ZNF91: variants seen among roughly 807,000 people sequenced by gnomAD.
ZNF91 encodes the protein zinc finger protein 91.
ZNF91 carries 7 observed loss-of-function variants against 12.6 expected under a neutral mutation model. That is an observed-to-expected ratio of 0.55 (90% CI 0.31 to 1.04). The LOEUF (loss-of-function observed/expected upper bound fraction) is 1.04. Among genes scored for constraint, ZNF91 ranks in the 50% least tolerant of loss-of-function variants. The pLI, the probability that ZNF91 is intolerant of heterozygous loss-of-function variation, is 0.05. For synonymous variants in ZNF91, 453 were observed against 462.6 expected, an observed-to-expected ratio of 0.98 and a Z score of 0.27; for missense variants, 1,217 against 1,385.4, an observed-to-expected ratio of 0.88 and a Z score of 1.93.
intron 3 of ZNF91, among the ~76,000 whole-genome samples, chr19:23,370,169 GCAT>G (rs566105205): frequency 6.2e-4 from 94 of 151,704 alleles, no homozygotes; most frequent in Non-Finnish European, 1.1e-3. Flanking sequence ...TCTAAAATAT[GCAT>G]CATAAGACCC....
chr19:23,355,799 T>A (rs1224090725), downstream of ZNF91, among the ~76,000 whole-genome samples: 3 of 150,860 alleles, frequency 2.0e-5, no homozygotes, highest in Non-Finnish European at 4.4e-5. Context: ...CTCAAGCAAA[T>A]CAGTAAGGAA....
intron 1 of ZNF91, among the ~76,000 whole-genome samples, chr19:23,391,802 C>G (rs966439409): frequency 6.6e-6 from 1 of 151,922 alleles, no homozygotes; most frequent in Non-Finnish European, 1.5e-5. Flanking sequence ...GGGGAGGCTC[C>G]CCAGAAGGAA....
chr19:23,323,538 CTTT>C (rs1230994514), intron 1 of ZNF91, among the ~76,000 whole-genome samples: 1 of 143,282 alleles, frequency 7.0e-6, no homozygotes, highest in African/African-American at 2.7e-5. Context: ...CCTCCTTTTC[CTTT>C]TTCTCTCCTC....
intron 1 of ZNF91, among the ~76,000 whole-genome samples, chr19:23,379,197 G>A (rs1969610675): frequency 6.6e-6 from 1 of 152,158 alleles, no homozygotes; most frequent in African/African-American, 2.4e-5. Context: ...AATAGAAAAT[G>A]AAACTACCAA....
chr19:23,334,288 A>C (rs906225206), downstream of ZNF91, among the ~76,000 whole-genome samples: 2 of 152,124 alleles, frequency 1.3e-5, no homozygotes, highest in African/African-American at 4.8e-5. Context: ...TGGCCTTAGG[A>C]AAATGGATGA....
chr19:23,344,399 CAT>C (rs1316075854), intron 3 of ZNF91, among the ~76,000 whole-genome samples: 2 of 152,102 alleles, frequency 1.3e-5, no homozygotes, highest in African/African-American at 4.8e-5. Flanking sequence ...CGGCAAAAAA[CAT>C]AAATTATAAT....
Position 23,361,402 on chromosome 19 carries a change from G to C in ZNF91, c.1577C>G (p.Ala526Gly). The change falls in exon 4 of 4, where the codon GCT becomes GGT. Residue 526 changes from alanine to glycine, a missense_variant. Physicochemically the swap from Ala to Gly is moderately conservative, Grantham distance 60. Around this residue, in one of 2 missense-constraint regions of ZNF91, gnomAD observed 726 missense variants for 895.5 expected, o/e 0.81. Coordinates refer to ENST00000300619, the MANE Select transcript of ZNF91 (RefSeq NM_003430.4). ...ATTAAGGGTTAAGGATTGTCTAAAAGCTTTGCCACATTCTTCAAATTTGTA... is the reference window on the plus strand; with the variant it reads ...ATTAAGGGTTAAGGATTGTCTAAAACCTTTGCCACATTCTTCAAATTTGTA... ...KPYKFEECGK[A>G]FRQSLTLNKH... The C allele has an allele frequency of 6.2e-7, 1 of 1,613,576 alleles. No individual in the cohort carries two copies. Among genetic ancestry groups the C allele is most frequent in the Non-Finnish European group, 8.5e-7 (1 of 1,179,782 alleles).
rs375704728 is a variant in ZNF91, at chr19:23,381,575, C to T, written c.31-6811G>A. Among the ~76,000 whole-genome samples the T allele has an allele frequency of 7.2e-4, 110 of 151,862 alleles. 4 individuals carry two copies. The South Asian group carries it at 0.022, about 30-fold the overall frequency. ...CTCCTGGATTCAAGTGATTCTCCTG[C>T]CTCAATCTCCCGAGTAGCTGGATTA... On this transcript the variant is annotated intron_variant, in intron 1 of 3. Transcript: ENST00000300619.
chr19:23,310,329 C>T (rs1321492061), intron 1 of ZNF91, among the ~76,000 whole-genome samples: 1 of 152,206 alleles, frequency 6.6e-6, no homozygotes. Context: ...TACCTGGAGA[C>T]AGTCAAAAGT....
At position 23,362,602 on chromosome 19, in the gene ZNF91, C is replaced by A. The variant is rs375229716; in HGVS notation, c.377G>T (p.Cys126Phe). The change falls in exon 4 of 4, where the codon TGT (cysteine) becomes TTT (phenylalanine). Residue 126 changes from cysteine to phenylalanine, a missense_variant. Transcript: ENST00000300619. ...CACCTTACACTCATCCACACTTTTA[C>A]AACCTTTTCTTAACTGTAAATTCTC... ...GHENLQLRKGCKSVDECKVHK... is the reference protein window; with the variant it reads ...GHENLQLRKGFKSVDECKVHK... The A allele has an allele frequency of 3.8e-6, 6 of 1,595,202 alleles. No homozygotes were observed. The African/African-American group carries it at 6.8e-5, about 18-fold the overall frequency.
At chr19:23,381,920 G>T (rs1054690276) in intron 1 of ZNF91, among the ~76,000 whole-genome samples, 1 of 151,898 alleles carries the variant, frequency 6.6e-6, no homozygotes, top group African/African-American at 2.4e-5. Context: ...ACTTTTGTGT[G>T]CTTTTAGAAT....
At chr19:23,392,080 T>C (rs1238766283) in intron 1 of ZNF91, among the ~76,000 whole-genome samples, 2 of 152,182 alleles carry the variant, frequency 1.3e-5, no homozygotes, top group Non-Finnish European at 2.9e-5. Flanking sequence ...TATGTTATTA[T>C]TTGTATCAAA....
chr19:23,373,346 TTATATATA>T (rs200251921), intron 3 of ZNF91, among the ~76,000 whole-genome samples: 1,078 of 85,764 alleles, frequency 0.013, 17 homozygotes, highest in African/African-American at 0.03. Context: ...TCATGTAATC[TTATATATA>T]TATATATATA....
At chr19:23,317,056 T>C (rs1214105435) in intron 1 of ZNF91, among the ~76,000 whole-genome samples, 16 of 152,078 alleles carry the variant, frequency 1.1e-4, no homozygotes, top group Middle Eastern at 3.4e-3. Context: ...CTTTTCTTTT[T>C]TTTTTTTGAG....
At chr19:23,389,205 A>G (rs36119092) in intron 1 of ZNF91, among the ~76,000 whole-genome samples, 70,942 of 151,936 alleles carry the variant, frequency 0.47, 17,372 homozygotes, top group East Asian at 0.82. Flanking sequence ...CCAGGTAGAA[A>G]GACTGGTTTG....
chr19:23,386,492 C>G (rs1969878537), intron 1 of ZNF91, among the ~76,000 whole-genome samples: 1 of 152,194 alleles, frequency 6.6e-6, no homozygotes, highest in Non-Finnish European at 1.5e-5. Context: ...ATAGGGAGCC[C>G]AGAAATAATG....
chr19:23,359,614 G>T lies in ZNF91; in HGVS notation c.3365C>A (p.Thr1122Asn), dbSNP rs562612118. The change falls in exon 4 of 4, where the codon ACT (threonine) becomes AAT (asparagine). Residue 1122 changes from threonine to asparagine, a missense_variant. By Grantham distance (65) the Thr-to-Asn change is moderately conservative (BLOSUM62 0). Transcript: ENST00000300619. ...TCCAGTGTGAATTATCTTATGTTTA[G>T]TAAGAGCTGAGGACTCTTTAAAGGC... ...GKAFKESSAL[T>N]KHKIIHTGEK... 84 of 1,613,938 alleles carry T rather than the reference G, an allele frequency of 5.2e-5. 1 individual carries two copies. In the South Asian group the frequency reaches 8.3e-4, roughly 16 times the overall value.
At chr19:23,394,055 T>C (rs1206616802) in intron 1 of ZNF91, among the ~76,000 whole-genome samples, 6 of 151,890 alleles carry the variant, frequency 4.0e-5, no homozygotes, top group Non-Finnish European at 4.4e-5. Flanking sequence ...ACAGGACAAA[T>C]AGTTGATAAA....
At chr19:23,389,151 A>G (rs894100242) in intron 1 of ZNF91, among the ~76,000 whole-genome samples, 1 of 152,148 alleles carries the variant, frequency 6.6e-6, no homozygotes, top group African/African-American at 2.4e-5. Context: ...AACCAAAAAT[A>G]GAAGTTTAAA....
Sources: allele counts gnomAD v4.1 joint callset (sites outside exome capture counted in the v4.1 genomes callset), GRCh38; gene constraint gnomAD v4.1.1; regional missense constraint gnomAD v4.1.1; transcripts MANE v1.5; gene names NCBI Gene and HGNC (gene_info 2026-07-23, HGNC 2026-07-21).